MMRN1: variants seen among roughly 807,000 people sequenced by gnomAD.
MMRN1 encodes the protein multimerin-1.
Under a neutral mutation model 100.7 loss-of-function variants are expected in MMRN1, and 94 were observed. That is an observed-to-expected ratio of 0.93 (90% CI 0.79 to 1.11). MMRN1 has a LOEUF of 1.11. Among genes scored for constraint, MMRN1 ranks in the 50% least tolerant of loss-of-function variants. The pLI is 0.00. For missense variants in MMRN1, 1,606 were observed against 1,439.1 expected, an observed-to-expected ratio of 1.12 and a Z score of -1.88; for synonymous variants, 575 against 505.0, an observed-to-expected ratio of 1.14 and a Z score of -1.86.
intron 7 of MMRN1, among the ~76,000 whole-genome samples, 175 bp from the exon 8 acceptor site, chr4:89,952,822 T>A (rs189374022): frequency 6.6e-6 from 1 of 152,152 alleles, no homozygotes. Flanking sequence ...TTTAGAGTAA[T>A]TTACCCCAGA....
intron 1 of MMRN1, among the ~76,000 whole-genome samples, chr4:89,898,986 G>A (rs1487822327): frequency 6.6e-6 from 1 of 152,082 alleles, no homozygotes; most frequent in Admixed American, 6.6e-5. Context: ...GAAATATGAG[G>A]ATTAATATGT....
chr4:89,892,933 A>G (rs1417855648), upstream of MMRN1, among the ~76,000 whole-genome samples: 1 of 152,058 alleles, frequency 6.6e-6, no homozygotes, highest in African/African-American at 2.4e-5. Context: ...AAGACAGTCC[A>G]TTCATCTATT....
chr4:89,901,924 A>C (rs1044619658), intron 1 of MMRN1: 2 of 151,934 alleles, frequency 1.3e-5, no homozygotes, highest in African/African-American at 4.8e-5. Flanking sequence ...ATTTGGGGGT[A>C]AATGCTAAGA....
chr4:89,930,063 C>T (rs1483476238), intron 5 of MMRN1, among the ~76,000 whole-genome samples: 1 of 152,088 alleles, frequency 6.6e-6, no homozygotes, highest in Non-Finnish European at 1.5e-5. Flanking sequence ...ATGTAATATG[C>T]TTCTAAGAAA....
At chr4:89,881,156 C>A (rs1477803066) in intron 1 of MMRN1, among the ~76,000 whole-genome samples, 1 of 152,066 alleles carries the variant, frequency 6.6e-6, no homozygotes, top group African/African-American at 2.4e-5. Context: ...ACACAGTTTG[C>A]ATACAGTAAG....
chr4:89,915,368 A>C (rs2119785), intron 3 of MMRN1, among the ~76,000 whole-genome samples: 64,778 of 151,218 alleles, frequency 0.43, 14,740 homozygotes, highest in Non-Finnish European at 0.49. Flanking sequence ...TTTACCTAGT[A>C]AATCTCAGTA....
chr4:89,949,577 T>C (rs1421730757), intron 6 of MMRN1, among the ~76,000 whole-genome samples: 2 of 152,324 alleles, frequency 1.3e-5, no homozygotes, highest in East Asian at 1.9e-4. Flanking sequence ...TGATAATCTA[T>C]TCACATGCAG....
At chr4:89,890,651 A>G (rs193067617), upstream of MMRN1, among the ~76,000 whole-genome samples, 192 of 152,266 alleles carry the variant, frequency 1.3e-3, no homozygotes, top group African/African-American at 4.5e-3. Context: ...CATTAAGAAA[A>G]TGAAAATATG....
intron 1 of MMRN1, among the ~76,000 whole-genome samples, chr4:89,884,769 C>CT (rs1720898347): frequency 6.6e-6 from 1 of 151,914 alleles, no homozygotes; most frequent in South Asian, 2.1e-4. Flanking sequence ...GCTTTAAAAA[C>CT]TTTGAGAATT....
upstream of MMRN1, among the ~76,000 whole-genome samples, chr4:89,893,371 A>G (rs1721098513): frequency 6.6e-6 from 1 of 152,078 alleles, no homozygotes; most frequent in South Asian, 2.1e-4. Context: ...AGGGAAGAAA[A>G]AAATATTAAT....
chr4:89,894,711 C>G (rs1307564482), upstream of MMRN1: 1 of 329,344 alleles, frequency 3.0e-6, no homozygotes, highest in Non-Finnish European at 5.4e-6. Flanking sequence ...TGTGCTTTCC[C>G]ATTTACCCTT....
At position 89,935,665 on chromosome 4, in the gene MMRN1, C is replaced by A. The variant is rs1192839464; in HGVS notation, c.1985C>A (p.Thr662Lys). 6.2e-7 allele frequency: 1 copy of A among 1,613,164 alleles called. No homozygotes were observed. The highest frequency in any genetic ancestry group is 1.1e-5 in the South Asian group (1 of 91,054). The change falls in exon 6 of 8, where the codon ACA becomes AAA. Residue 662 changes from threonine (T) to lysine (K), a missense_variant. Thr to Lys is a moderately conservative substitution (Grantham distance 78, BLOSUM62 -1). Coordinates refer to ENST00000264790, the MANE Select transcript of MMRN1 (RefSeq NM_007351.3). ...GAGCAGGGAGCATCACTCAGACAGA[C>A]AATGACATATGAACAACCAAAGGAA... ...LLEQGASLRQ[T>K]MTYEQPKEAI...
chr4:89,906,159 C>T (rs1244256080), intron 1 of MMRN1, among the ~76,000 whole-genome samples: 2 of 151,372 alleles, frequency 1.3e-5, no homozygotes, highest in Non-Finnish European at 3.0e-5. Context: ...CACTAGTTTC[C>T]TGAAAGACTG....
Position 89,935,397 on chromosome 4 carries a change from A to G in MMRN1, c.1717A>G (p.Lys573Glu), listed in dbSNP as rs775563980. The part of the protein sequence containing the change: ...MFEDLHIQES[K>E]INNLTVSLEM... ...TGAAGATTTGCACATTCAAGAAAGCAAGATTAACAATCTCACCGTCTCTTT... is the reference window on the plus strand; with the variant it reads ...TGAAGATTTGCACATTCAAGAAAGCGAGATTAACAATCTCACCGTCTCTTT... Residue 573 changes from lysine (K) to glutamate (E), a missense_variant, in exon 6 of 8, where the codon AAG becomes GAG. Transcript: ENST00000264790. 6.2e-7 allele frequency: 1 copy of G among 1,613,368 alleles called. No homozygotes were observed. The highest frequency in any genetic ancestry group is 8.5e-7 in the Non-Finnish European group (1 of 1,179,746).
chr4:89,905,365 T>G (rs1721531374), intron 1 of MMRN1, among the ~76,000 whole-genome samples: 1 of 151,516 alleles, frequency 6.6e-6, no homozygotes, highest in African/African-American at 2.4e-5. Context: ...TATTCTCTTA[T>G]GAGGGATCAA....
At position 89,921,811 on chromosome 4, in the gene MMRN1, A is replaced by G. The variant is rs376157320; in HGVS notation, c.851-1357A>G. 3.3e-5 allele frequency among the ~76,000 whole-genome samples: 5 copies of G among 152,218 alleles called. No homozygotes were observed. The East Asian group carries it at 7.7e-4, about 24-fold the overall frequency. ...TGCAAAATTCAATCTAACAATATAG[A>G]CTCACCCAAATTAATGCCAAATATA... On this transcript the variant is annotated intron_variant, in intron 3 of 7. Coordinates refer to ENST00000264790, the MANE Select transcript of MMRN1 (RefSeq NM_007351.3).
intron 1 of MMRN1, among the ~76,000 whole-genome samples, chr4:89,908,503 AT>A (rs1309989060): frequency 6.6e-6 from 1 of 151,540 alleles, no homozygotes; most frequent in Non-Finnish European, 1.5e-5. Context: ...TTTCCCATTA[AT>A]TAACATGATT....
chr4:89,908,188 G>A (rs995954896), intron 1 of MMRN1, among the ~76,000 whole-genome samples: 1 of 151,300 alleles, frequency 6.6e-6, no homozygotes, highest in African/African-American at 2.4e-5. Flanking sequence ...CACAAAACTA[G>A]ATTGAATGTG....
At chr4:89,884,192 G>A (rs1416342767) in intron 1 of MMRN1, among the ~76,000 whole-genome samples, 1 of 151,916 alleles carries the variant, frequency 6.6e-6, no homozygotes, top group African/African-American at 2.4e-5. Context: ...TAGATCCAAT[G>A]TGTTTCTTTA....
Sources: allele counts gnomAD v4.1 joint callset (sites outside exome capture counted in the v4.1 genomes callset), GRCh38; gene constraint gnomAD v4.1.1; transcripts MANE v1.5; gene names NCBI Gene and HGNC (gene_info 2026-07-23, HGNC 2026-07-21).